Variants in TRAF3IP1 observed in about 807,000 individuals in gnomAD.
TRAF3IP1 encodes intraflagellar transport 54, also known as TRAF3-interacting protein 1.
In TRAF3IP1, 53 loss-of-function variants were observed where a neutral mutation model predicts 89.9. The observed-to-expected ratio is 0.59, with a 90% CI of 0.47 to 0.74. The LOEUF (loss-of-function observed/expected upper bound fraction) is 0.74, where lower values mean the gene tolerates loss of function less well. Ranked by LOEUF, TRAF3IP1 falls within the 30% of genes least tolerant of loss-of-function variation. TRAF3IP1 has a pLI of 0.00. For synonymous variants in TRAF3IP1, 311 were observed against 322.1 expected, an observed-to-expected ratio of 0.97 and a Z score of 0.37; for missense variants, 806 against 866.1, an observed-to-expected ratio of 0.93 and a Z score of 0.87.
At chr2:238,335,592 A>G (rs1192885734) in intron 7 of TRAF3IP1, among the ~76,000 whole-genome samples, 1 of 152,160 alleles carries the variant, frequency 6.6e-6, no homozygotes, top group East Asian at 1.9e-4. Flanking sequence ...AAAATAAACT[A>G]ACGTCTCAGA....
At chr2:238,380,221 C>T (rs1700488160) in intron 15 of TRAF3IP1, among the ~76,000 whole-genome samples, 1 of 152,128 alleles carries the variant, frequency 6.6e-6, no homozygotes, top group Admixed American at 6.5e-5. Flanking sequence ...AATTGCTCCC[C>T]AGGTGACTTC....
At chr2:238,381,089 G>A (rs542894008) in intron 15 of TRAF3IP1, among the ~76,000 whole-genome samples, 26 of 150,256 alleles carry the variant, frequency 1.7e-4, no homozygotes, top group Non-Finnish European at 2.7e-4. Context: ...CCACAATGAC[G>A]GGATTTGGGT....
chr2:238,390,199 A>G (rs1470687678), intron 15 of TRAF3IP1, among the ~76,000 whole-genome samples: 1 of 152,172 alleles, frequency 6.6e-6, no homozygotes, highest in East Asian at 1.9e-4. Context: ...CTGTTTGCCT[A>G]ACTTGGAGAA....
At chr2:238,390,980 G>C (rs11684080) in intron 15 of TRAF3IP1, among the ~76,000 whole-genome samples, 2 of 151,876 alleles carry the variant, frequency 1.3e-5, no homozygotes, top group Admixed American at 6.6e-5. Flanking sequence ...GAGAAAAAAG[G>C]GTTTCGCTCT....
intron 5 of TRAF3IP1, among the ~76,000 whole-genome samples, chr2:238,331,576 A>G (rs1698126807): frequency 6.6e-6 from 1 of 152,202 alleles, no homozygotes; most frequent in South Asian, 2.1e-4. Context: ...GTCTGAGACC[A>G]TGGCGAAGTG....
rs1022049233 is a variant in TRAF3IP1 at position 238,332,259 on chromosome 2, G to C, written c.916-565G>C. 2.6e-5 allele frequency among the ~76,000 whole-genome samples: 4 copies of C among 152,318 alleles called. 1 individual carries two copies. Among genetic ancestry groups the C allele is most frequent in the African/African-American group, 2.4e-5 (1 of 41,570 alleles). On this transcript the variant is annotated intron_variant, in intron 5 of 16. Transcript: ENST00000373327. ...AATCATTCTACTCCTTCTACTCTGA[G>C]ATATGTCTTCTGGAAAAGTGATTTA...
chr2:238,349,362 C>G lies in TRAF3IP1; in HGVS notation c.1405C>G (p.Pro469Ala), dbSNP rs764797642. 1.2e-6 allele frequency: 2 copies of G among 1,613,994 alleles called. No homozygotes were observed. Among genetic ancestry groups the G allele is most frequent in the Non-Finnish European group, 1.7e-6 (2 of 1,180,032 alleles). The change falls in exon 12 of 17, where the codon CCC (proline) becomes GCC (alanine). Residue 469 changes from proline to alanine, a missense_variant. Coordinates refer to ENST00000373327, the MANE Select transcript of TRAF3IP1 (RefSeq NM_015650.4). ...GCCTGGGAGTGCAAGACCAGCCCCTCCCCGGGTCAAACGGCAAGACAGCAT... is the reference window on the plus strand; with the variant it reads ...GCCTGGGAGTGCAAGACCAGCCCCTGCCCGGGTCAAACGGCAAGACAGCAT... ...PRPGSARPAP[P>A]RVKRQDSMEA...
chr2:238,365,497 C>T (rs1699835229), intron 15 of TRAF3IP1, among the ~76,000 whole-genome samples: 1 of 151,800 alleles, frequency 6.6e-6, no homozygotes, highest in South Asian at 2.1e-4. Flanking sequence ...ACCATCTCTA[C>T]AAAAATTAAA....
chr2:238,352,814 T>G lies in TRAF3IP1; in HGVS notation c.1452-13T>G. 6.3e-7 allele frequency: 1 copy of G among 1,592,732 alleles called. No homozygotes were observed. Among genetic ancestry groups the G allele is most frequent in the Non-Finnish European group, 8.5e-7 (1 of 1,172,680 alleles). ...TGTGTAATTCTAATTTAATCTAATT[T>G]CTTTTTATTTAGGTCAGGGAGTGGT... On this transcript the variant is annotated splice_polypyrimidine_tract_variant and intron_variant, in intron 12 of 16. Transcript: ENST00000373327.
chr2:238,343,646 CTT>C lies in TRAF3IP1; in HGVS notation c.1160-832_1160-831del, dbSNP rs34626636. Among the ~76,000 whole-genome samples, 779 of 113,388 alleles carry C rather than the reference CTT, an allele frequency of 6.9e-3. 5 individuals carry two copies. The highest frequency in any genetic ancestry group is 0.021 in the South Asian group (68 of 3,300). The allele number at this position is 113,388 out of a possible 152,430, so 74.4% of individuals were successfully genotyped here. A position where few individuals can be genotyped will look rare whatever the true frequency, so the allele number is the denominator to read the frequency against. ...TCAGGCATGAGCCACTGTGCTTGGC[CTT>C]TTTTTTTTTTTTTTTTTTCCCCGAG... On this transcript the variant is annotated intron_variant, in intron 8 of 16. Coordinates refer to ENST00000373327, the MANE Select transcript of TRAF3IP1 (RefSeq NM_015650.4).
At chr2:238,396,535 T>TA (rs928812855) in intron 15 of TRAF3IP1, among the ~76,000 whole-genome samples, 5 of 144,254 alleles carry the variant, frequency 3.5e-5, no homozygotes, top group African/African-American at 1.0e-4. Flanking sequence ...ATAATAATAA[T>TA]AAAAAAATTA....
intron 3 of TRAF3IP1, among the ~76,000 whole-genome samples, chr2:238,327,643 C>T (rs1409489740): frequency 6.6e-6 from 1 of 152,104 alleles, no homozygotes; most frequent in Admixed American, 6.5e-5. Flanking sequence ...CACTTCAGTG[C>T]TGGTAAATTC....
At chr2:238,353,112 G>T in intron 13 of TRAF3IP1, 61 bp from the exon 14 acceptor site, 1 of 1,604,754 alleles carries the variant, frequency 6.2e-7, no homozygotes, top group Non-Finnish European at 8.5e-7. Context: ...ATCCACAGAA[G>T]CATGATCTTT....
chr2:238,370,346 G>A (rs777688331), intron 15 of TRAF3IP1, among the ~76,000 whole-genome samples: 13 of 152,108 alleles, frequency 8.5e-5, no homozygotes, highest in Non-Finnish European at 7.4e-5. Context: ...GTATGTGTGC[G>A]TGTCTGAGTG....
intron 15 of TRAF3IP1, among the ~76,000 whole-genome samples, chr2:238,361,332 T>G (rs1014985085): frequency 1.3e-5 from 2 of 152,168 alleles, no homozygotes; most frequent in South Asian, 4.1e-4. Flanking sequence ...CTGGCCAAAC[T>G]TTTCTATTTT....
Position 238,320,751 on chromosome 2 carries a change from C to A in TRAF3IP1, c.89C>A (p.Pro30His). The A allele has an allele frequency of 1.4e-6, 2 of 1,440,746 alleles. No homozygotes were observed. The highest frequency in any genetic ancestry group is 1.8e-6 in the Non-Finnish European group (2 of 1,084,620). The allele number at this position is 1,440,746 out of a possible 1,614,324, so 89.2% of individuals were successfully genotyped here. Reference sequence around the variant, plus strand: ...CTGACCGAGAAGCTGCTGAGCAAGCCCCCGTTCCGCTACCTGCACGACATC... The same window carrying A: ...CTGACCGAGAAGCTGCTGAGCAAGCACCCGTTCCGCTACCTGCACGACATC... ...PPLTEKLLSK[P>H]PFRYLHDIIT... The change falls in exon 1 of 17, where the codon CCC (proline) becomes CAC (histidine). Residue 30 changes from proline to histidine, a missense_variant. Transcript: ENST00000373327.
chr2:238,383,608 C>T (rs865925163), intron 15 of TRAF3IP1, among the ~76,000 whole-genome samples: 38 of 152,176 alleles, frequency 2.5e-4, no homozygotes, highest in South Asian at 4.1e-4. Flanking sequence ...ACCTCTCTAA[C>T]GTTTCCTAAG....
intron 15 of TRAF3IP1, among the ~76,000 whole-genome samples, chr2:238,363,692 T>A (rs1319673708): frequency 1.3e-5 from 2 of 152,176 alleles, no homozygotes; most frequent in African/African-American, 4.8e-5. Flanking sequence ...CCAGGTGCGG[T>A]GGCTCACACC....
chr2:238,360,751 C>T (rs1465022722), intron 15 of TRAF3IP1, among the ~76,000 whole-genome samples: 1 of 152,020 alleles, frequency 6.6e-6, no homozygotes, highest in Non-Finnish European at 1.5e-5. Context: ...CATAGTGGCA[C>T]AGGGCTGTAG....
Sources: gnomAD v4.1 joint callset for allele counts (sites outside exome capture counted in the v4.1 genomes callset) on GRCh38, gnomAD v4.1.1 for gene constraint, MANE v1.5 for transcripts, NCBI Gene and HGNC (gene_info 2026-07-23, HGNC 2026-07-21) for gene names.